Variants in ADAMTSL3 observed in about 807,000 individuals in gnomAD.
ADAMTSL3 encodes ADAMTS-like protein 3.
A neutral mutation model predicts 201.7 loss-of-function variants in ADAMTSL3; 128 were observed. The ratio of observed to expected loss-of-function variants is 0.63; its 90% CI spans 0.55 to 0.73. The LOEUF is 0.73. Ranked by LOEUF, ADAMTSL3 falls within the 30% of genes least tolerant of loss-of-function variation. The pLI, the probability that ADAMTSL3 is intolerant of heterozygous loss-of-function variation, is 0.00. For missense variants in ADAMTSL3, 1,990 were observed against 2,119.6 expected (o/e 0.94, Z 1.20); for synonymous variants, 738 against 748.4 (o/e 0.99, Z 0.23).
intron 10 of ADAMTSL3, 96 bp downstream of exon 10, chr15:83,885,308 AT>A: frequency 1.1e-6 from 1 of 932,186 alleles, no homozygotes; most frequent in East Asian, 2.6e-5. Context: ...TGGTGTGGTG[AT>A]TAGAGATGTC....
At chr15:83,770,659 A>G (rs2062967242) in intron 3 of ADAMTSL3, among the ~76,000 whole-genome samples, 1 of 152,208 alleles carries the variant, frequency 6.6e-6, no homozygotes, top group Non-Finnish European at 1.5e-5. Context: ...TCCAAGATTA[A>G]TCTATTAATC....
At chr15:83,689,951 T>C (rs1360802092) in intron 2 of ADAMTSL3, among the ~76,000 whole-genome samples, 1 of 152,226 alleles carries the variant, frequency 6.6e-6, no homozygotes, top group African/African-American at 2.4e-5. Context: ...AAAAAACGGA[T>C]TCCATTTCTT....
At chr15:83,669,700 C>T (rs563651373) in intron 2 of ADAMTSL3, among the ~76,000 whole-genome samples, 97 of 151,434 alleles carry the variant, frequency 6.4e-4, no homozygotes, top group African/African-American at 2.2e-3. Context: ...AATCTCCTGA[C>T]GTCGTGATCT....
At chr15:83,887,094 C>CAG (rs1465888318) in intron 10 of ADAMTSL3, among the ~76,000 whole-genome samples, 4 of 152,150 alleles carry the variant, frequency 2.6e-5, no homozygotes, top group Non-Finnish European at 4.4e-5. Flanking sequence ...ACTAGACATG[C>CAG]AGATTCTCAG....
intron 17 of ADAMTSL3, among the ~76,000 whole-genome samples, chr15:83,937,202 A>G (rs1370509945): frequency 6.6e-6 from 1 of 150,972 alleles, no homozygotes. Flanking sequence ...ATAAAGACAC[A>G]TGCACACGTA....
intron 20 of ADAMTSL3, among the ~76,000 whole-genome samples, chr15:83,974,401 C>T (rs371548622): frequency 1.9e-4 from 29 of 152,246 alleles, no homozygotes; most frequent in South Asian, 6.2e-4. Context: ...TAAAGTGCTT[C>T]GAATCAATGC....
chr15:83,794,760 G>A (rs2063397145), intron 4 of ADAMTSL3, among the ~76,000 whole-genome samples: 1 of 152,076 alleles, frequency 6.6e-6, no homozygotes. Flanking sequence ...TCTCCTAGTT[G>A]TATTCTTGTA....
At chr15:83,807,238 G>C (rs553048699) in intron 5 of ADAMTSL3, among the ~76,000 whole-genome samples, 1 of 151,964 alleles carries the variant, frequency 6.6e-6, no homozygotes, top group Non-Finnish European at 1.5e-5. Context: ...GGTGGATCAC[G>C]AGGTCAGGAA....
At chr15:83,667,209 C>T (rs187095293) in intron 2 of ADAMTSL3, among the ~76,000 whole-genome samples, 26 of 152,066 alleles carry the variant, frequency 1.7e-4, no homozygotes, top group African/African-American at 2.6e-4. Context: ...TATATGTTGT[C>T]GGTTAATCTT....
At chr15:83,685,556 C>T (rs1166808983) in intron 2 of ADAMTSL3, among the ~76,000 whole-genome samples, 2 of 152,120 alleles carry the variant, frequency 1.3e-5, no homozygotes, top group African/African-American at 4.8e-5. Context: ...CAAAGATTTC[C>T]TCTTATATTT....
chr15:83,858,684 C>G, intron 7 of ADAMTSL3, 82 bp from the exon 8 acceptor site: 1 of 1,070,510 alleles, frequency 9.3e-7, no homozygotes, highest in South Asian at 1.4e-5. Context: ...TTTGCAGACG[C>G]CCCCAGTTTT....
chr15:83,988,579 C>A, intron 21 of ADAMTSL3, 112 bp from the exon 22 acceptor site: 2 of 945,044 alleles, frequency 2.1e-6, no homozygotes, highest in Non-Finnish European at 2.9e-6. Flanking sequence ...CCTTTGTGAG[C>A]TTTGCCAGCC....
At chr15:83,719,451 A>G (rs1488203675) in intron 3 of ADAMTSL3, among the ~76,000 whole-genome samples, 3 of 152,192 alleles carry the variant, frequency 2.0e-5, no homozygotes, top group African/African-American at 7.2e-5. Flanking sequence ...ACCTACGACA[A>G]CACTCTTTAT....
chr15:83,697,028 G>T (rs1401418294), intron 2 of ADAMTSL3, among the ~76,000 whole-genome samples: 1 of 152,154 alleles, frequency 6.6e-6, no homozygotes, highest in Non-Finnish European at 1.5e-5. Flanking sequence ...CTGTGTTTGT[G>T]CTCTGGAGAG....
intron 3 of ADAMTSL3, among the ~76,000 whole-genome samples, chr15:83,762,774 A>G (rs2062828083): frequency 6.6e-6 from 1 of 152,108 alleles, no homozygotes; most frequent in Non-Finnish European, 1.5e-5. Context: ...CCTTTGTTTT[A>G]TTTTTCAGCT....
intron 3 of ADAMTSL3, among the ~76,000 whole-genome samples, chr15:83,745,731 C>A (rs2062534382): frequency 6.6e-6 from 1 of 152,180 alleles, no homozygotes. Flanking sequence ...TTTTCTGTTT[C>A]AAGATGAAGC....
At position 83,799,903 on chromosome 15, in the gene ADAMTSL3, G is replaced by T. The variant is rs533101101; in HGVS notation, c.318-4747G>T. Among the ~76,000 whole-genome samples the T allele has an allele frequency of 3.9e-5, 6 of 152,300 alleles. No homozygotes were observed. The South Asian group carries it at 1.0e-3, about 26-fold the overall frequency. ...AAAGGAATTATTCCAGAATAAGCTG[G>T]CAGGTTCCTGCTTGGGGAATTAGGA... On this transcript the variant is annotated intron_variant, in intron 4 of 29. Transcript: ENST00000286744.
chr15:83,714,866 C>T (rs1237693111), intron 3 of ADAMTSL3, among the ~76,000 whole-genome samples: 2 of 19,556 alleles, frequency 1.0e-4, no homozygotes, highest in African/African-American at 4.8e-4. Context: ...CCCTCCCTCC[C>T]TCCCTCCCTC....
rs745412244 is a variant in ADAMTSL3, at chr15:84,016,449, C to T, written c.4223C>T (p.Thr1408Ile). The T allele has an allele frequency of 2.9e-5, 46 of 1,613,892 alleles. No individual in the cohort carries two copies. The South Asian group carries it at 5.1e-4, about 18-fold the overall frequency. ...CATAAAAAGTACATTCTCCAGGCAA[C>T]CAACACTAGAACCAACAGCAATGAC... ...QGHKKYILQA[T>I]NTRTNSNDPT... is the part of the protein sequence containing the mutation. Residue 1408 changes from threonine (T) to isoleucine (I), a missense_variant, in exon 25 of 30, where the codon ACC becomes ATC. By Grantham distance (89) the Thr-to-Ile change is moderately conservative. Coordinates refer to ENST00000286744, the MANE Select transcript of ADAMTSL3 (RefSeq NM_207517.3).
Sources: allele counts gnomAD v4.1 joint callset (sites outside exome capture counted in the v4.1 genomes callset), GRCh38; gene constraint gnomAD v4.1.1; transcripts MANE v1.5; gene names NCBI Gene and HGNC (gene_info 2026-07-23, HGNC 2026-07-21).